The following ESRP1 variants were observed in gnomAD, a reference collection of about 807,000 sequenced individuals.
The protein encoded by ESRP1 is epithelial splicing regulatory protein 1.
Under a neutral mutation model 81.7 loss-of-function variants are expected in ESRP1, and 33 were observed. That is an observed-to-expected ratio of 0.40 (90% CI 0.31 to 0.54). The LOEUF is 0.54. Among genes scored for constraint, ESRP1 ranks in the 20% least tolerant of loss-of-function variants. The pLI is 0.41. For missense variants in ESRP1, 672 were observed against 833.1 expected, an observed-to-expected ratio of 0.81 and a Z score of 2.38; for synonymous variants, 320 against 303.3, an observed-to-expected ratio of 1.06 and a Z score of -0.57.
At position 94,643,379 on chromosome 8, in the gene ESRP1, A is replaced by C; in HGVS notation, c.338A>C (p.His113Pro). 1 of 1,613,818 alleles carries C rather than the reference A, an allele frequency of 6.2e-7. No homozygotes were observed. The highest frequency in any genetic ancestry group is 1.1e-5 in the South Asian group (1 of 91,068). ...SFCLCTDGQL[H>P]VRQILHPEAS... ...TGTCTCTGTACTGATGGGCAGCTTC[A>C]TGTCAGGCAAATCCTGCATCCTGAG... Residue 113 changes from histidine to proline, a missense_variant, in exon 3 of 16, where the codon CAT becomes CCT. By Grantham distance (77) the His-to-Pro change is moderately conservative. Transcript: ENST00000433389.
chr8:94,705,663 C>G (rs1810040802), intron 15 of ESRP1: 1 of 384,132 alleles, frequency 2.6e-6, no homozygotes. Flanking sequence ...AAACTAAACA[C>G]ATGATACTAC....
At chr8:94,645,356 A>C (rs759618558) in intron 3 of ESRP1, among the ~76,000 whole-genome samples, 1 of 152,184 alleles carries the variant, frequency 6.6e-6, no homozygotes, top group African/African-American at 2.4e-5. Flanking sequence ...TCAAAATTTT[A>C]AGAAAAATCT....
rs369637376 is a variant in ESRP1 at position 94,674,344 on chromosome 8, T to G, written c.1489T>G (p.Ser497Ala). 1 of 1,613,816 alleles carries G rather than the reference T, an allele frequency of 6.2e-7. No individual in the cohort carries two copies. Among genetic ancestry groups the G allele is most frequent in the Non-Finnish European group, 8.5e-7 (1 of 1,179,888 alleles). Residue 497 changes from serine to alanine, a missense_variant, in exon 12 of 16, where the codon TCT becomes GCT. Coordinates refer to ENST00000433389, the MANE Select transcript of ESRP1 (RefSeq NM_017697.4). ...AGGAGATGCCTTTATCCAGATGAAG[T>G]CTGCGGACAGAGCATTTATGGCTGC... The part of the protein sequence containing the change: ...PSGDAFIQMK[S>A]ADRAFMAAQK...
At position 94,686,213 on chromosome 8, in the gene ESRP1, G is replaced by A. The variant is rs527558067; in HGVS notation, c.1821-6464G>A. 3.4e-4 allele frequency among the ~76,000 whole-genome samples: 52 copies of A among 152,326 alleles called. 2 individuals are homozygous for A. The South Asian group carries it at 0.011, about 32-fold the overall frequency. On this transcript the variant is annotated intron_variant, in intron 13 of 15. Coordinates refer to ENST00000433389, the MANE Select transcript of ESRP1 (RefSeq NM_017697.4). ...CAAAGTGCTGGGATTACAGGCATGA[G>A]CCACCAGGGCTGGCCTACGTTACCT...
intron 15 of ESRP1, among the ~76,000 whole-genome samples, chr8:94,699,073 A>C (rs758878323): frequency 2.0e-5 from 3 of 152,154 alleles, no homozygotes; most frequent in African/African-American, 4.8e-5. Flanking sequence ...GTTGAACACC[A>C]TGTTGTTTAT....
chr8:94,694,364 T>G (rs988279215), intron 14 of ESRP1, among the ~76,000 whole-genome samples: 1 of 152,140 alleles, frequency 6.6e-6, no homozygotes, highest in African/African-American at 2.4e-5. Context: ...CCCAGCACTT[T>G]GGGAGACTGA....
At chr8:94,695,258 A>G (rs1297295871) in intron 14 of ESRP1, among the ~76,000 whole-genome samples, 1 of 150,952 alleles carries the variant, frequency 6.6e-6, no homozygotes, top group African/African-American at 2.4e-5. Context: ...TTTTACTTCT[A>G]GTTATTTTAT....
intron 14 of ESRP1, among the ~76,000 whole-genome samples, chr8:94,694,432 C>T (rs748695227): frequency 6.6e-6 from 1 of 152,158 alleles, no homozygotes; most frequent in African/African-American, 2.4e-5. Flanking sequence ...CATGAAACCC[C>T]GTCTGTACTA....
chr8:94,678,015 CAG>C (rs1808711748), intron 12 of ESRP1, among the ~76,000 whole-genome samples, 186 bp from the exon 13 acceptor site: 2 of 152,158 alleles, frequency 1.3e-5, no homozygotes, highest in Non-Finnish European at 1.5e-5. Flanking sequence ...TTTAGGTTGA[CAG>C]GGTGGAATTC....
chr8:94,662,266 T>A lies in ESRP1; in HGVS notation c.491-6T>A. On this transcript the variant is annotated splice_region_variant and splice_polypyrimidine_tract_variant and intron_variant, in intron 4 of 15. Transcript: ENST00000433389. ...TCCAAAGTGTTTCCTTAATTTAATC[T>A]CACAGATTTAAATTTTGAGAAGAGT... 1 of 1,528,058 alleles carries A rather than the reference T, an allele frequency of 6.5e-7. No individual in the cohort carries two copies. Among genetic ancestry groups the A allele is most frequent in the East Asian group, 2.3e-5 (1 of 43,472 alleles). The allele number at this position is 1,528,058 out of a possible 1,614,324, so 94.7% of individuals were successfully genotyped here. A position where few individuals can be genotyped will look rare whatever the true frequency, so the allele number is the denominator to read the frequency against.
chr8:94,671,532 T>C lies in ESRP1; in HGVS notation c.1313T>C (p.Val438Ala), dbSNP rs1819325497. The C allele has an allele frequency of 6.2e-7, 1 of 1,613,816 alleles. No individual in the cohort carries two copies. The highest frequency in any genetic ancestry group is 1.1e-5 in the South Asian group (1 of 91,078). Residue 438 changes from valine (V) to alanine (A), a missense_variant, in exon 11 of 16, where the codon GTG (valine) becomes GCG (alanine). Physicochemically the swap from Val to Ala is moderately conservative, Grantham distance 64. Coordinates refer to ENST00000433389, the MANE Select transcript of ESRP1 (RefSeq NM_017697.4). The part of the protein sequence containing the change: ...PIIPVLPQQF[V>A]PPTNVRDCIR... ...ATTCCAGTACTACCTCAGCAATTTG[T>C]GCCCCCTACAAATGTTAGAGACTGT... is the stretch of plus-strand genomic sequence containing the variant.
intron 3 of ESRP1, 101 bp downstream of exon 3, chr8:94,643,517 G>C: frequency 1.5e-6 from 1 of 677,702 alleles, no homozygotes; most frequent in Admixed American, 2.6e-5. Flanking sequence ...TTCTTAAAAA[G>C]ATGCATATAG....
At chr8:94,656,591 GACTAATAA>G (rs1818437562) in intron 4 of ESRP1, among the ~76,000 whole-genome samples, 2 of 152,306 alleles carry the variant, frequency 1.3e-5, no homozygotes, top group Non-Finnish European at 2.9e-5. Flanking sequence ...TTAGTTAGAA[GACTAATAA>G]ACTTTTCTCT....
chr8:94,687,479 C>T (rs1217541125), intron 13 of ESRP1, among the ~76,000 whole-genome samples: 1 of 152,184 alleles, frequency 6.6e-6, no homozygotes, highest in African/African-American at 2.4e-5. Context: ...AATACAGTAA[C>T]TATTTAGCTT....
intron 13 of ESRP1, among the ~76,000 whole-genome samples, chr8:94,686,906 C>T (rs911324130): frequency 2.0e-5 from 3 of 152,112 alleles, no homozygotes; most frequent in Admixed American, 2.0e-4. Flanking sequence ...TTATATTTCT[C>T]TAAACTACTG....
chr8:94,642,859 T>G (rs2130522881), intron 2 of ESRP1, among the ~76,000 whole-genome samples: 1 of 152,268 alleles, frequency 6.6e-6, no homozygotes, highest in East Asian at 1.9e-4. Context: ...AAGCTATCCT[T>G]CCTGGGGTGT....
At chr8:94,654,440 A>G (rs1205233829) in intron 4 of ESRP1, among the ~76,000 whole-genome samples, 1 of 147,976 alleles carries the variant, frequency 6.8e-6, no homozygotes, top group East Asian at 2.0e-4. Context: ...TGTTTATCCC[A>G]TATAAATGTC....
chr8:94,697,499 C>A (rs1438494515), intron 15 of ESRP1, among the ~76,000 whole-genome samples: 1 of 152,096 alleles, frequency 6.6e-6, no homozygotes, highest in South Asian at 2.1e-4. Context: ...CTGTGTTTGT[C>A]TTTTTAGGTT....
At chr8:94,689,100 A>T (rs540135845) in intron 13 of ESRP1, among the ~76,000 whole-genome samples, 1 of 152,054 alleles carries the variant, frequency 6.6e-6, no homozygotes, top group Non-Finnish European at 1.5e-5. Flanking sequence ...AAAATACAAA[A>T]ATTAGCCAGA....
Sources: allele counts gnomAD v4.1 joint callset (sites outside exome capture counted in the v4.1 genomes callset), GRCh38; gene constraint gnomAD v4.1.1; transcripts MANE v1.5; gene names NCBI Gene and HGNC (gene_info 2026-07-23, HGNC 2026-07-21).